HOGA1: variants seen among roughly 807,000 people sequenced by gnomAD.
HOGA1 encodes the protein 4-hydroxy-2-oxoglutarate aldolase 1, also known as 4-hydroxy-2-oxoglutarate aldolase, mitochondrial.
HOGA1 carries 30 observed loss-of-function variants against 34.3 expected under a neutral mutation model. That is an observed-to-expected ratio of 0.87 (90% CI 0.65 to 1.19). The LOEUF is 1.19. Among genes scored for constraint, HOGA1 ranks in the 50% most tolerant of loss-of-function variants. HOGA1 has a pLI of 0.00. For missense variants in HOGA1, 417 were observed against 436.5 expected (o/e 0.96, Z 0.40); for synonymous variants, 161 against 174.0 (o/e 0.93, Z 0.59).
Position 97,584,851 on chromosome 10 carries a change from G to A in HOGA1, c.148G>A (p.Ala50Thr). ...PPVTTPFTAT[A>T]EVDYGKLEEN... ...TGTGACCACCCCCTTCACTGCCACTGCAGAGGTGGACTATGGGAAACTGGA... is the reference window on the plus strand; with the variant it reads ...TGTGACCACCCCCTTCACTGCCACTACAGAGGTGGACTATGGGAAACTGGA... The change falls in exon 1 of 7, where the codon GCA becomes ACA. Residue 50 changes from alanine (A) to threonine (T), a missense_variant. Ala to Thr is a moderately conservative substitution (Grantham distance 58, BLOSUM62 0). Coordinates refer to ENST00000370646, the MANE Select transcript of HOGA1 (RefSeq NM_138413.4). 6.2e-7 allele frequency: 1 copy of A among 1,614,194 alleles called. No homozygotes were observed. Among genetic ancestry groups the A allele is most frequent in the Non-Finnish European group, 8.5e-7 (1 of 1,180,032 alleles).
chr10:97,596,850 C>G (rs998434875), intron 1 of HOGA1, among the ~76,000 whole-genome samples: 1 of 152,106 alleles, frequency 6.6e-6, no homozygotes, highest in Non-Finnish European at 1.5e-5. Context: ...CACAGTGTCC[C>G]CTGAAGGATG....
rs774667887 is a variant in HOGA1, at chr10:97,600,139, T to A, written c.676T>A (p.Phe226Ile). The A allele has an allele frequency of 6.2e-7, 1 of 1,614,142 alleles. No individual in the cohort carries two copies. The highest frequency in any genetic ancestry group is 1.1e-5 in the South Asian group (1 of 91,088). Residue 226 changes from phenylalanine to isoleucine, a missense_variant, in exon 5 of 7, where the codon TTT becomes ATT. Phe to Ile is a conservative substitution (Grantham distance 21). Coordinates refer to ENST00000370646, the MANE Select transcript of HOGA1 (RefSeq NM_138413.4). ...DFQVLAGSAG[F>I]LMASYALGAV... ...TCAGGTGTTGGCTGGATCGGCTGGC[T>A]TTCTGATGGCCAGCTATGCCTTGGG... is the stretch of plus-strand genomic sequence containing the variant.
In HOGA1 at chr10:97,584,837, C is replaced by G. The variant is rs764396564; in HGVS notation, c.134C>G (p.Pro45Arg). 9 of 1,613,988 alleles carry G rather than the reference C, an allele frequency of 5.6e-6. No homozygotes were observed. Among genetic ancestry groups the G allele is most frequent in the Admixed American group, 5.0e-5 (3 of 60,008 alleles). ...GGTATCTACCCCCCTGTGACCACCC[C>G]CTTCACTGCCACTGCAGAGGTGGAC... Reference protein sequence around the residue: ...IAGIYPPVTTPFTATAEVDYG... With the variant: ...IAGIYPPVTTRFTATAEVDYG... Residue 45 changes from proline to arginine, a missense_variant, in exon 1 of 7, where the codon CCC becomes CGC. Physicochemically the swap from Pro to Arg is moderately radical, Grantham distance 103 (BLOSUM62 -2). Coordinates refer to ENST00000370646, the MANE Select transcript of HOGA1 (RefSeq NM_138413.4).
rs2041104924 is a variant in HOGA1 at position 97,600,111 on chromosome 10, T to C, written c.648T>C (p.Asp216=). The C allele has an allele frequency of 1.2e-6, 2 of 1,614,104 alleles. No individual in the cohort carries two copies. The highest frequency in any genetic ancestry group is 4.5e-5 in the East Asian group (2 of 44,888). The part of the protein sequence containing the change: ...GLIVHKTRKQ[D]FQVLAGSAGF... ...TTGTTCACAAGACCAGGAAGCAGGA[T>C]TTTCAGGTGTTGGCTGGATCGGCTG... The change falls in exon 5 of 7, where the codon GAT becomes GAC. Residue 216 remains aspartate, a synonymous_variant. Transcript: ENST00000370646.
In HOGA1 at chr10:97,598,821, C is replaced by G. The variant is rs1305009561; in HGVS notation, c.258C>G (p.Ser86Arg). The G allele has an allele frequency of 6.2e-7, 1 of 1,614,206 alleles. No individual in the cohort carries two copies. Among genetic ancestry groups the G allele is most frequent in the Admixed American group, 1.7e-5 (1 of 60,026 alleles). ...GSNGEFPFLT[S>R]SERLEVVSRV... ...ATGGCGAGTTTCCTTTCCTGACCAG[C>G]AGTGAGCGCCTCGAGGTGGTGAGCC... The change falls in exon 2 of 7, where the codon AGC becomes AGG. Residue 86 changes from serine (S) to arginine (R), a missense_variant. Physicochemically the swap from Ser to Arg is moderately radical, Grantham distance 110 (BLOSUM62 -1). Transcript: ENST00000370646.
At chr10:97,597,886 G>C (rs2041083421) in intron 1 of HOGA1, among the ~76,000 whole-genome samples, 1 of 152,200 alleles carries the variant, frequency 6.6e-6, no homozygotes. Flanking sequence ...GGGGGCTAAG[G>C]CTGCCGTGAG....
At chr10:97,606,592 A>G (rs1319753210) in intron 6 of HOGA1, among the ~76,000 whole-genome samples, 2 of 152,052 alleles carry the variant, frequency 1.3e-5, no homozygotes, top group Non-Finnish European at 2.9e-5. Context: ...TGGGTTCTCT[A>G]TTCTTTCCAT....
intron 6 of HOGA1, among the ~76,000 whole-genome samples, chr10:97,607,686 T>C (rs933037908): frequency 6.6e-6 from 1 of 152,140 alleles, no homozygotes; most frequent in Non-Finnish European, 1.5e-5. Flanking sequence ...TTATATAATG[T>C]CCAGATAATA....
At position 97,611,772 on chromosome 10, in the gene HOGA1, A is replaced by G; in HGVS notation, c.*113A>G. ...GGGTGGCAGGCAGCGGGGAGCCGAT[A>G]GAGGCTCCTTTGCCTGCTGTGGTCC... is the stretch of plus-strand genomic sequence containing the variant. On this transcript the variant is annotated 3_prime_UTR_variant, in exon 7 of 7. Transcript: ENST00000370646. 2.2e-6 allele frequency: 3 copies of G among 1,334,592 alleles called. No individual in the cohort carries two copies. The highest frequency in any genetic ancestry group is 3.1e-6 in the Non-Finnish European group (3 of 967,744). The allele number at this position is 1,334,592 out of a possible 1,614,324, so 82.7% of individuals were successfully genotyped here. A position where few individuals can be genotyped will look rare whatever the true frequency, so the allele number is the denominator to read the frequency against.
chr10:97,599,188 G>A lies in HOGA1; in HGVS notation c.440G>A (p.Ser147Asn), dbSNP rs372440279. The A allele has an allele frequency of 6.2e-7, 1 of 1,613,968 alleles. No homozygotes were observed. The highest frequency in any genetic ancestry group is 8.5e-7 in the Non-Finnish European group (1 of 1,180,022). ...TGCTACTATCGTGGCCGCATGAGCA[G>A]TGCGGCCCTCATTCACCACTACACC... is the stretch of plus-strand genomic sequence containing the variant. ...TPCYYRGRMS[S>N]AALIHHYTKV... The change falls in exon 3 of 7, where the codon AGT becomes AAT. Residue 147 changes from serine (S) to asparagine (N), a missense_variant. By Grantham distance (46) the Ser-to-Asn change is conservative. Transcript: ENST00000370646.
Position 97,592,669 on chromosome 10 carries a change from C to CA in HOGA1, c.212-6104dup, listed in dbSNP as rs2041036350. ...TCAAAGTTTGATTATCGTTGTAATG[C>CA]AAGCAAAATGACCTGTAAGCAGCTA... On this transcript the variant is annotated intron_variant, in intron 1 of 6. Transcript: ENST00000370646. 2.6e-5 allele frequency among the ~76,000 whole-genome samples: 4 copies of CA among 152,090 alleles called. No individual in the cohort carries two copies. In the South Asian group the frequency reaches 8.3e-4, roughly 32 times the overall value.
intron 1 of HOGA1, among the ~76,000 whole-genome samples, chr10:97,591,894 A>G (rs1253001978): frequency 1.4e-5 from 2 of 146,002 alleles, no homozygotes; most frequent in African/African-American, 5.1e-5. Flanking sequence ...GCTGGAGTAC[A>G]GTGGCGCGAT....
At chr10:97,588,199 C>CTTTTT (rs1221596544) in intron 1 of HOGA1, among the ~76,000 whole-genome samples, 2 of 97,328 alleles carry the variant, frequency 2.1e-5, no homozygotes, top group African/African-American at 6.7e-5. Context: ...TTTTTTCTTT[C>CTTTTT]TTTTTTTTTT....
At position 97,611,576 on chromosome 10, in the gene HOGA1, C is replaced by T. The variant is rs1197920687; in HGVS notation, c.901C>T (p.Pro301Ser). The change falls in exon 7 of 7, where the codon CCC (proline) becomes TCC (serine). Residue 301 changes from proline to serine, a missense_variant. Pro to Ser is a moderately conservative substitution (Grantham distance 74). Transcript: ENST00000370646. The stretch of plus-strand genomic sequence containing the variant: ...GGACTGGTTTGGCTACTATGGAGGC[C>T]CCTGCCGCGCCCCCTTGCAGGAGCT... Reference protein sequence around the residue: ...IMDWFGYYGGPCRAPLQELSP... With the variant: ...IMDWFGYYGGSCRAPLQELSP... The T allele has an allele frequency of 1.5e-5, 24 of 1,614,194 alleles. No individual in the cohort carries two copies. Among genetic ancestry groups the T allele is most frequent in the Non-Finnish European group, 1.9e-5 (22 of 1,180,024 alleles).
intron 5 of HOGA1, chr10:97,600,599 G>A (rs893510333): frequency 1.5e-5 from 4 of 258,848 alleles, no homozygotes; most frequent in Non-Finnish European, 3.0e-5. Context: ...GGGATCTTCA[G>A]TTGCCTGATC....
chr10:97,598,234 C>T (rs2135720951), intron 1 of HOGA1, among the ~76,000 whole-genome samples: 1 of 152,324 alleles, frequency 6.6e-6, no homozygotes, highest in Middle Eastern at 3.4e-3. Flanking sequence ...GCGATCCACC[C>T]ACCTTGGCCT....
intron 3 of HOGA1, 65 bp from the exon 4 acceptor site, chr10:97,599,615 G>T: frequency 1.2e-6 from 2 of 1,606,108 alleles, no homozygotes; most frequent in Non-Finnish European, 1.7e-6. Context: ...GGGTGGGCAA[G>T]TCTCTGGCTC....
In HOGA1 at chr10:97,598,839, G is replaced by T; in HGVS notation, c.276G>T (p.Val92=). Residue 92 remains valine (V), a synonymous_variant, in exon 2 of 7, where the codon GTG becomes GTT. Coordinates refer to ENST00000370646, the MANE Select transcript of HOGA1 (RefSeq NM_138413.4). ...TGACCAGCAGTGAGCGCCTCGAGGT[G>T]GTGAGCCGTGTGCGCCAGGCCATGC... The part of the protein sequence containing the change: ...PFLTSSERLE[V]VSRVRQAMPK... The T allele has an allele frequency of 6.2e-7, 1 of 1,614,204 alleles. No individual in the cohort carries two copies. The highest frequency in any genetic ancestry group is 8.5e-7 in the Non-Finnish European group (1 of 1,180,042).
At position 97,593,029 on chromosome 10, in the gene HOGA1, C is replaced by CAAAAAAAAAAAAAAAAAAAAAAA. The variant is rs1169191059; in HGVS notation, c.212-5724_212-5723insAAAAAAAAAAAAAAAAAAAAAAA. Among the ~76,000 whole-genome samples, 352 of 47,742 alleles carry CAAAAAAAAAAAAAAAAAAAAAAA rather than the reference C, an allele frequency of 7.4e-3. 18 individuals are homozygous for CAAAAAAAAAAAAAAAAAAAAAAA. Among genetic ancestry groups the CAAAAAAAAAAAAAAAAAAAAAAA allele is most frequent in the Non-Finnish European group, 0.012 (292 of 24,938 alleles). 31.3% of individuals were successfully genotyped at this position (47,742 alleles called of 152,430 possible). A position where few individuals can be genotyped will look rare whatever the true frequency, so the allele number is the denominator to read the frequency against. ...TGGGCGACAGAGTGAGACTCTGTCT[C>CAAAAAAAAAAAAAAAAAAAAAAA]AAAAAAAAAAAAAAAAAAAAAAGAG... On this transcript the variant is annotated intron_variant, in intron 1 of 6. Coordinates refer to ENST00000370646, the MANE Select transcript of HOGA1 (RefSeq NM_138413.4).
Sources: allele counts gnomAD v4.1 joint callset (sites outside exome capture counted in the v4.1 genomes callset), GRCh38; gene constraint gnomAD v4.1.1; transcripts MANE v1.5; gene names NCBI Gene and HGNC (gene_info 2026-07-23, HGNC 2026-07-21).